Variants in ACTL8 observed in about 807,000 individuals in gnomAD.
ACTL8 encodes actin-like protein 8.
A neutral mutation model predicts 9.3 loss-of-function variants in ACTL8; 3 were observed. The ratio of observed to expected loss-of-function variants is 0.32; its 90% CI spans 0.15 to 0.83. ACTL8 has a LOEUF of 0.83. ACTL8 is among the 40% of genes least tolerant of loss of function. The pLI is 0.57. For synonymous variants in ACTL8, 224 were observed against 205.9 expected (o/e 1.09, Z -0.75); for missense variants, 381 against 492.2 (o/e 0.77, Z 2.14).
chr1:17,764,581 C>G (rs1177430242), intron 1 of ACTL8, among the ~76,000 whole-genome samples: 2 of 152,048 alleles, frequency 1.3e-5, no homozygotes, highest in African/African-American at 2.4e-5. Flanking sequence ...TGGGCACCCC[C>G]CCACAGCATC....
At chr1:17,824,321 AAGAG>A (rs1487155418) in intron 2 of ACTL8, among the ~76,000 whole-genome samples, 2 of 152,186 alleles carry the variant, frequency 1.3e-5, no homozygotes, top group African/African-American at 4.8e-5. Flanking sequence ...GTAAGATAGA[AAGAG>A]AGAGGAAAGA....
intron 1 of ACTL8, among the ~76,000 whole-genome samples, chr1:17,816,170 G>A (rs562047288): frequency 2.6e-5 from 4 of 151,094 alleles, no homozygotes; most frequent in Admixed American, 1.3e-4. Context: ...TATTCACCAT[G>A]CTATGCAATA....
intron 1 of ACTL8, among the ~76,000 whole-genome samples, chr1:17,765,346 C>T (rs113432009): frequency 0.022 from 3,314 of 152,326 alleles, 59 homozygotes; most frequent in Middle Eastern, 0.078. Context: ...GAGTGCCTGG[C>T]ATGGAGGCCG....
intron 1 of ACTL8, among the ~76,000 whole-genome samples, chr1:17,759,735 G>C (rs2065989318): frequency 6.6e-6 from 1 of 152,182 alleles, no homozygotes; most frequent in Non-Finnish European, 1.5e-5. Context: ...CCTCTTCCTT[G>C]AGGGCTGGAT....
At chr1:17,779,680 C>T (rs997923118) in intron 1 of ACTL8, among the ~76,000 whole-genome samples, 1 of 152,196 alleles carries the variant, frequency 6.6e-6, no homozygotes, top group African/African-American at 2.4e-5. Context: ...TGGCTCCACC[C>T]TCTCAACATG....
intron 1 of ACTL8, among the ~76,000 whole-genome samples, chr1:17,774,801 AGCC>A (rs1037555197): frequency 9.9e-5 from 15 of 152,252 alleles, no homozygotes; most frequent in African/African-American, 3.1e-4. Flanking sequence ...TGACCCCTGG[AGCC>A]GCTGGAAGAG....
intron 1 of ACTL8, among the ~76,000 whole-genome samples, chr1:17,796,099 C>T (rs1283644441): frequency 6.6e-6 from 1 of 152,130 alleles, no homozygotes; most frequent in South Asian, 2.1e-4. Context: ...GGGTGTCTTA[C>T]CAGGGTGGAG....
In ACTL8 at chr1:17,755,468, G is replaced by C. The variant is rs1313688980; in HGVS notation, c.-61G>C. 6.6e-6 allele frequency: 1 copy of C among 152,164 alleles called. No homozygotes were observed. The highest frequency in any genetic ancestry group is 2.4e-5 in the African/African-American group (1 of 41,414). 9.4% of individuals were successfully genotyped at this position (152,164 alleles called of 1,614,324 possible). ...GCCTCTTGTGAGACACTGTTTCTGAGAGCAGCTTTTGTGGCATCTTACAGG... is the reference window on the plus strand; with the variant it reads ...GCCTCTTGTGAGACACTGTTTCTGACAGCAGCTTTTGTGGCATCTTACAGG... On this transcript the variant is annotated 5_prime_UTR_variant, in exon 1 of 3. Transcript: ENST00000375406.
At chr1:17,822,712 A>G (rs1290751075) in intron 1 of ACTL8, among the ~76,000 whole-genome samples, 5 of 152,080 alleles carry the variant, frequency 3.3e-5, no homozygotes, top group African/African-American at 1.2e-4. Context: ...AGCAGGATAC[A>G]TGTGTGTGCA....
At chr1:17,804,336 G>T (rs1193119022) in intron 1 of ACTL8, among the ~76,000 whole-genome samples, 1 of 152,194 alleles carries the variant, frequency 6.6e-6, no homozygotes, top group Non-Finnish European at 1.5e-5. Flanking sequence ...CTTAGTTAGT[G>T]TCTCCTCCTC....
chr1:17,824,631 A>G (rs909576548), intron 2 of ACTL8, among the ~76,000 whole-genome samples: 1 of 152,212 alleles, frequency 6.6e-6, no homozygotes, highest in African/African-American at 2.4e-5. Context: ...AGTATGTTTC[A>G]TATTGCATGG....
intron 1 of ACTL8, among the ~76,000 whole-genome samples, chr1:17,785,899 A>G (rs2066194155): frequency 1.3e-5 from 2 of 152,148 alleles, no homozygotes; most frequent in Admixed American, 6.5e-5. Context: ...TCACAAGGCC[A>G]CAGTCAAGGT....
At chr1:17,757,788 G>A (rs370621638) in intron 1 of ACTL8, among the ~76,000 whole-genome samples, 8 of 152,290 alleles carry the variant, frequency 5.3e-5, no homozygotes, top group African/African-American at 1.9e-4. Flanking sequence ...CACTAGCCTG[G>A]GCTGGATGCA....
chr1:17,798,405 C>T (rs1156674796), intron 1 of ACTL8, among the ~76,000 whole-genome samples: 8 of 151,956 alleles, frequency 5.3e-5, no homozygotes, highest in South Asian at 2.1e-4. Context: ...AGGACCCAGA[C>T]GGGAGTAAGA....
intron 1 of ACTL8, among the ~76,000 whole-genome samples, chr1:17,779,303 G>A (rs546935853): frequency 1.3e-5 from 2 of 152,008 alleles, no homozygotes; most frequent in South Asian, 2.1e-4. Context: ...TCTGACCTTC[G>A]CCTTGTACCT....
At chr1:17,806,480 G>C (rs569481475) in intron 1 of ACTL8, among the ~76,000 whole-genome samples, 1 of 152,300 alleles carries the variant, frequency 6.6e-6, no homozygotes, top group South Asian at 2.1e-4. Flanking sequence ...TCTGTCCCTG[G>C]AGGCTCTGAC....
intron 1 of ACTL8, among the ~76,000 whole-genome samples, chr1:17,782,959 C>T (rs1346137694): frequency 6.6e-6 from 1 of 152,188 alleles, no homozygotes. Context: ...GGAACCTTTC[C>T]AGTCAACATG....
At chr1:17,755,682 C>T (rs1038299968) in intron 1 of ACTL8, among the ~76,000 whole-genome samples, 178 bp downstream of exon 1, 6 of 151,904 alleles carry the variant, frequency 3.9e-5, no homozygotes, top group East Asian at 1.9e-4. Flanking sequence ...ACAGGCTCTA[C>T]CTCAGACCAA....
At chr1:17,777,649 C>A (rs2066127012) in intron 1 of ACTL8, among the ~76,000 whole-genome samples, 1 of 152,186 alleles carries the variant, frequency 6.6e-6, no homozygotes, top group South Asian at 2.1e-4. Context: ...TGTCTGCCAC[C>A]TCTGTGATGG....
Sources: allele counts gnomAD v4.1 joint callset (sites outside exome capture counted in the v4.1 genomes callset), GRCh38; gene constraint gnomAD v4.1.1; transcripts MANE v1.5; gene names NCBI Gene and HGNC (gene_info 2026-07-23, HGNC 2026-07-21).